The following DPP10 variants were observed in gnomAD, a reference collection of about 807,000 sequenced individuals.
DPP10 encodes the protein dipeptidyl peptidase like 10.
A neutral mutation model predicts 120.9 loss-of-function variants in DPP10; 33 were observed. That is an observed-to-expected ratio of 0.27 (90% CI 0.21 to 0.37). DPP10 has a LOEUF of 0.37. DPP10 is among the 10% of genes least tolerant of loss of function. The pLI, the probability that DPP10 is intolerant of heterozygous loss-of-function variation, is 1.00. For missense variants in DPP10, 816 were observed against 942.8 expected, an observed-to-expected ratio of 0.87 and a Z score of 1.76; for synonymous variants, 337 against 326.1, an observed-to-expected ratio of 1.03 and a Z score of -0.36.
intron 1 of DPP10, among the ~76,000 whole-genome samples, chr2:114,456,943 A>G (rs758856012): frequency 1.3e-5 from 2 of 152,214 alleles, no homozygotes; most frequent in African/African-American, 4.8e-5. Flanking sequence ...TGCCAATGCC[A>G]CAATAAGAAA....
At chr2:114,578,172 A>C (rs1690211373) in intron 1 of DPP10, among the ~76,000 whole-genome samples, 1 of 152,214 alleles carries the variant, frequency 6.6e-6, no homozygotes, top group African/African-American at 2.4e-5. Context: ...AAGAACTATG[A>C]TAACCAGTAT....
rs149915077 is a variant in DPP10 at position 114,579,534 on chromosome 2, C to A, written c.60+136696C>A. 8.0e-4 allele frequency among the ~76,000 whole-genome samples: 122 copies of A among 152,270 alleles called. 1 individual carries two copies. Among genetic ancestry groups the A allele is most frequent in the South Asian group, 2.1e-3 (10 of 4,822 alleles). On this transcript the variant is annotated intron_variant, in intron 1 of 25. Coordinates refer to ENST00000410059, the MANE Select transcript of DPP10 (RefSeq NM_020868.6). The stretch of plus-strand genomic sequence containing the variant: ...TTGACATTTTCAGCCCCTAAGAGAA[C>A]CTTTTACCCCCTAAACTTTCTGTAG...
intron 1 of DPP10, among the ~76,000 whole-genome samples, chr2:115,081,446 T>C (rs917307097): frequency 1.3e-5 from 2 of 152,234 alleles, no homozygotes; most frequent in African/African-American, 2.4e-5. Context: ...GATATATTTT[T>C]CCAGAAGATT....
intron 1 of DPP10, among the ~76,000 whole-genome samples, chr2:115,246,058 A>G (rs541637145): frequency 1.3e-5 from 2 of 152,232 alleles, no homozygotes; most frequent in South Asian, 2.1e-4. Flanking sequence ...GAAATGAAAG[A>G]TGGAAACCTG....
At chr2:115,763,714 A>AAAAT (rs1300518575) in intron 12 of DPP10, among the ~76,000 whole-genome samples, 1 of 152,118 alleles carries the variant, frequency 6.6e-6, no homozygotes, top group Non-Finnish European at 1.5e-5. Flanking sequence ...TGACCTTTTT[A>AAAAT]AAATATGCAT....
chr2:115,578,817 T>C (rs2081845164), intron 5 of DPP10, among the ~76,000 whole-genome samples: 1 of 152,170 alleles, frequency 6.6e-6, no homozygotes, highest in South Asian at 2.1e-4. Flanking sequence ...ATGGAATCAG[T>C]TCATCAAGGC....
intron 9 of DPP10, among the ~76,000 whole-genome samples, chr2:115,741,093 G>T (rs899517600): frequency 1.3e-5 from 2 of 152,026 alleles, no homozygotes; most frequent in African/African-American, 4.8e-5. Flanking sequence ...CTTTCCTTCT[G>T]TTCCCACCAG....
chr2:115,393,513 T>TTTGAA (rs1170909514), intron 3 of DPP10, among the ~76,000 whole-genome samples: 1 of 152,186 alleles, frequency 6.6e-6, no homozygotes, highest in Admixed American at 6.5e-5. Flanking sequence ...TCTTTTAGCC[T>TTTGAA]TTGAATTCCA....
intron 1 of DPP10, among the ~76,000 whole-genome samples, chr2:114,672,436 T>A: frequency 6.6e-6 from 1 of 152,184 alleles, no homozygotes; most frequent in East Asian, 1.9e-4. Context: ...GTACTCTGCA[T>A]GAGTGAATAG....
At chr2:115,684,479 T>C (rs991483844) in intron 5 of DPP10, among the ~76,000 whole-genome samples, 1 of 151,926 alleles carries the variant, frequency 6.6e-6, no homozygotes, top group Non-Finnish European at 1.5e-5. Context: ...CTTACCGGCA[T>C]TTTTTAATAA....
At chr2:115,679,880 G>A (rs1054837316) in intron 5 of DPP10, among the ~76,000 whole-genome samples, 6 of 151,526 alleles carry the variant, frequency 4.0e-5, no homozygotes, top group Non-Finnish European at 8.9e-5. Context: ...GTTTCATAAA[G>A]GATATAAAAT....
At chr2:115,581,116 C>T (rs2081981316) in intron 5 of DPP10, among the ~76,000 whole-genome samples, 1 of 152,118 alleles carries the variant, frequency 6.6e-6, no homozygotes, top group East Asian at 1.9e-4. Context: ...AATTGAGTTT[C>T]GTCTTTTAGA....
At chr2:114,984,858 C>T (rs550150717) in intron 1 of DPP10, among the ~76,000 whole-genome samples, 1 of 152,120 alleles carries the variant, frequency 6.6e-6, no homozygotes, top group East Asian at 1.9e-4. Flanking sequence ...AATCTGTGGT[C>T]CTCTCTTCCC....
At chr2:114,445,027 G>A (rs1355496389) in intron 1 of DPP10, among the ~76,000 whole-genome samples, 3 of 152,020 alleles carry the variant, frequency 2.0e-5, no homozygotes, top group Non-Finnish European at 4.4e-5. Context: ...CTATATTTAG[G>A]TAATGCATTA....
intron 5 of DPP10, among the ~76,000 whole-genome samples, chr2:115,666,152 C>T (rs761283789): frequency 2.6e-5 from 4 of 151,984 alleles, no homozygotes; most frequent in Non-Finnish European, 4.4e-5. Flanking sequence ...TTTGGTTTTC[C>T]GTTTCTACAT....
At chr2:115,210,194 T>C (rs921923678) in intron 1 of DPP10, among the ~76,000 whole-genome samples, 1 of 152,068 alleles carries the variant, frequency 6.6e-6, no homozygotes, top group Non-Finnish European at 1.5e-5. Flanking sequence ...TGACAGGCCC[T>C]GGTGTGTGGT....
intron 1 of DPP10, among the ~76,000 whole-genome samples, chr2:115,046,799 T>C (rs919304180): frequency 1.3e-5 from 2 of 152,082 alleles, no homozygotes; most frequent in Non-Finnish European, 2.9e-5. Flanking sequence ...TTTTCAGTTC[T>C]TTTCATTCTT....
intron 1 of DPP10, among the ~76,000 whole-genome samples, chr2:115,276,750 T>G (rs2059936242): frequency 6.6e-6 from 1 of 152,212 alleles, no homozygotes; most frequent in Non-Finnish European, 1.5e-5. Flanking sequence ...AAGATCATCT[T>G]TTTTTAGAGA....
chr2:114,675,078 C>A (rs1475611556), intron 1 of DPP10, among the ~76,000 whole-genome samples: 1 of 152,068 alleles, frequency 6.6e-6, no homozygotes, highest in Non-Finnish European at 1.5e-5. Context: ...AACGGCCTGT[C>A]TTAATGTTTT....
Sources: gnomAD v4.1 joint callset for allele counts (sites outside exome capture counted in the v4.1 genomes callset) on GRCh38, gnomAD v4.1.1 for gene constraint, MANE v1.5 for transcripts, NCBI Gene and HGNC (gene_info 2026-07-23, HGNC 2026-07-21) for gene names.